Variants in UPF2 observed in about 807,000 individuals in gnomAD.
The protein encoded by UPF2 is regulator of nonsense transcripts 2.
In UPF2, 17 loss-of-function variants were observed where a neutral mutation model predicts 141.4. The ratio of observed to expected loss-of-function variants is 0.12; its 90% CI spans 0.08 to 0.18. The LOEUF (loss-of-function observed/expected upper bound fraction) is 0.18. Ranked by LOEUF, UPF2 falls within the 10% of genes least tolerant of loss-of-function variation. The pLI is 1.00. For synonymous variants in UPF2, 540 were observed against 498.0 expected (o/e 1.08, Z -1.12); for missense variants, 1,152 against 1,515.9 (o/e 0.76, Z 3.99).
intron 21 of UPF2, 72 bp downstream of exon 21, chr10:11,929,793 C>T: frequency 1.3e-6 from 2 of 1,544,056 alleles, no homozygotes; most frequent in Non-Finnish European, 8.8e-7. Context: ...AACTATAATC[C>T]AGAATTCCCT....
chr10:12,002,278 AT>A (rs1833966091), intron 5 of UPF2, among the ~76,000 whole-genome samples: 1 of 152,222 alleles, frequency 6.6e-6, no homozygotes. Context: ...TCTCAAAAAA[AT>A]ATATACATTA....
At chr10:11,951,571 G>T (rs1833075403) in intron 15 of UPF2, among the ~76,000 whole-genome samples, 1 of 152,132 alleles carries the variant, frequency 6.6e-6, no homozygotes. Flanking sequence ...ATTATCTCTA[G>T]ATTTTCTCTA....
chr10:11,991,388 A>G (rs1261591333), intron 8 of UPF2, among the ~76,000 whole-genome samples: 1 of 152,194 alleles, frequency 6.6e-6, no homozygotes, highest in Non-Finnish European at 1.5e-5. Context: ...TCATTGGGGT[A>G]CCTAAAAAAG....
intron 14 of UPF2, among the ~76,000 whole-genome samples, chr10:11,952,756 G>A (rs1833094353): frequency 6.6e-6 from 1 of 151,970 alleles, no homozygotes; most frequent in Non-Finnish European, 1.5e-5. Flanking sequence ...TTACAGGTGT[G>A]AGCCACTGCG....
intron 4 of UPF2, among the ~76,000 whole-genome samples, chr10:12,005,796 C>T (rs60003805): frequency 2.1e-3 from 325 of 152,244 alleles, no homozygotes; most frequent in African/African-American, 7.5e-3. Context: ...GTCTCAAACT[C>T]CTGACTTCAG....
chr10:11,957,249 C>G (rs1588536272), intron 12 of UPF2, among the ~76,000 whole-genome samples: 1 of 151,794 alleles, frequency 6.6e-6, no homozygotes, highest in Non-Finnish European at 1.5e-5. Flanking sequence ...GCCAACATGG[C>G]AAAACCCCAT....
At chr10:11,951,921 G>T in intron 15 of UPF2, 145 bp downstream of exon 15, 2 of 756,456 alleles carry the variant, frequency 2.6e-6, no homozygotes, top group Non-Finnish European at 4.3e-6. Flanking sequence ...CACCACACAG[G>T]CATTACCTAA....
chr10:11,941,661 T>C (rs1002930103), intron 18 of UPF2, among the ~76,000 whole-genome samples: 4 of 152,172 alleles, frequency 2.6e-5, no homozygotes, highest in Non-Finnish European at 5.9e-5. Context: ...CTTATCTATA[T>C]GTAGTATCTT....
intron 3 of UPF2, among the ~76,000 whole-genome samples, chr10:12,025,632 A>T (rs994125019): frequency 4.9e-4 from 74 of 152,208 alleles, no homozygotes; most frequent in African/African-American, 1.7e-3. Flanking sequence ...AAACTTCTCA[A>T]ATAACTGTGG....
At chr10:12,001,001 TA>T (rs1442131545) in intron 6 of UPF2, among the ~76,000 whole-genome samples, 1 of 152,202 alleles carries the variant, frequency 6.6e-6, no homozygotes, top group Non-Finnish European at 1.5e-5. Flanking sequence ...CAAATACATT[TA>T]TGTTGTTTGT....
At chr10:12,011,537 G>C (rs1834127670) in intron 4 of UPF2, among the ~76,000 whole-genome samples, 2 of 152,158 alleles carry the variant, frequency 1.3e-5, no homozygotes, top group African/African-American at 4.8e-5. Context: ...GGATGCAGAG[G>C]TTGCAGTGAG....
chr10:11,949,992 G>A (rs1176744117), intron 15 of UPF2, among the ~76,000 whole-genome samples: 1 of 152,036 alleles, frequency 6.6e-6, no homozygotes, highest in African/African-American at 2.4e-5. Context: ...AAGAGAATAT[G>A]TGTAATGTCA....
rs1263268271 is a variant in UPF2 at position 12,014,443 on chromosome 10, T to C, written c.1146-259A>G. Among the ~76,000 whole-genome samples the C allele has an allele frequency of 6.6e-6, 1 of 152,166 alleles. No homozygotes were observed. The highest frequency in any genetic ancestry group is 2.4e-5 in the African/African-American group (1 of 41,438). On this transcript the variant is annotated intron_variant, in intron 3 of 21. Coordinates refer to ENST00000357604, the MANE Select transcript of UPF2 (RefSeq NM_015542.4). The surrounding 1 kb of genome is among the most constrained non-coding windows in gnomAD (Gnocchi z 5.0). ...GAAATACAATATTTAACAATATACA[T>C]CTAAATAATTTTAAATTATTCAGTA...
intron 7 of UPF2, among the ~76,000 whole-genome samples, chr10:11,999,546 A>G (rs1357047477): frequency 6.6e-6 from 1 of 151,744 alleles, no homozygotes; most frequent in Non-Finnish European, 1.5e-5. Context: ...CACACAAGAA[A>G]AAAAAACTTA....
rs760421183 is a variant in UPF2, at chr10:11,940,821, C to G, written c.3378+1844G>C. ...TGGTGGGTACCTCTGCCCTCCCACA[C>G]AGGATTGTGCCCCGCCCTCTATTAG... On this transcript the variant is annotated intron_variant, in intron 18 of 21. Coordinates refer to ENST00000357604, the MANE Select transcript of UPF2 (RefSeq NM_015542.4). The surrounding 1 kb of genome is among the most constrained non-coding windows in gnomAD (Gnocchi z 4.2). 1.3e-5 allele frequency among the ~76,000 whole-genome samples: 2 copies of G among 152,216 alleles called. No individual in the cohort carries two copies. The highest frequency in any genetic ancestry group is 2.4e-5 in the African/African-American group (1 of 41,442).
At chr10:11,929,027 T>C (rs997074507) in intron 21 of UPF2, among the ~76,000 whole-genome samples, 2 of 150,978 alleles carry the variant, frequency 1.3e-5, no homozygotes, top group African/African-American at 4.9e-5. Flanking sequence ...CATGCCCTAT[T>C]GTCCCAGCTA....
At position 12,014,056 on chromosome 10, in the gene UPF2, G is replaced by A; in HGVS notation, c.1274C>T (p.Pro425Leu). 1 of 1,585,132 alleles carries A rather than the reference G, an allele frequency of 6.3e-7. No homozygotes were observed. The highest frequency in any genetic ancestry group is 8.6e-7 in the Non-Finnish European group (1 of 1,165,296). Residue 425 changes from proline to leucine, a missense_variant, in exon 4 of 22, where the codon CCA (proline) becomes CTA (leucine). Physicochemically the swap from Pro to Leu is moderately conservative, Grantham distance 98. This residue lies in a region of UPF2 where 739 missense variants were observed against 1,032.2 expected (regional missense o/e 0.72). Coordinates refer to ENST00000357604, the MANE Select transcript of UPF2 (RefSeq NM_015542.4). The surrounding 1 kb of genome is among the most constrained non-coding windows in gnomAD (Gnocchi z 5.0). The stretch of plus-strand genomic sequence containing the variant: ...TGTTGGTTTGTCTTGAGGAAGATCT[G>A]GCATATTTTCATCCAAAAGGTCTGC... ...SLADLLDENM[P>L]DLPQDKPTPE...
intron 1 of UPF2, among the ~76,000 whole-genome samples, chr10:12,036,591 A>C (rs1435817135): frequency 2.0e-5 from 3 of 152,192 alleles, no homozygotes; most frequent in Non-Finnish European, 2.9e-5. Context: ...ACTGTGGAAC[A>C]AAAAACTATA....
chr10:12,014,011 G>A lies in UPF2; in HGVS notation c.1306+13C>T. 6.6e-7 allele frequency: 1 copy of A among 1,516,928 alleles called. No individual in the cohort carries two copies. The highest frequency in any genetic ancestry group is 8.9e-7 in the Non-Finnish European group (1 of 1,124,462). 94.0% of individuals were successfully genotyped at this position (1,516,928 alleles called of 1,614,324 possible). On this transcript the variant is annotated intron_variant, in intron 4 of 21. Transcript: ENST00000357604. This position sits in a 1 kb window ranked among gnomAD's most constrained non-coding sequence, Gnocchi z 5.0. The stretch of plus-strand genomic sequence containing the variant: ...CAGAAAACACAATGTTTGTTTTTAA[G>A]GATATCTCTTACCTTCTGGTGTTGG...
Sources: gnomAD v4.1 joint callset for allele counts (sites outside exome capture counted in the v4.1 genomes callset) on GRCh38, gnomAD v4.1.1 for gene constraint, gnomAD v4.1.1 regional missense constraint, Gnocchi (gnomAD v3.1) non-coding constraint, MANE v1.5 for transcripts, NCBI Gene and HGNC (gene_info 2026-07-23, HGNC 2026-07-21) for gene names.